PIGK: variants seen among roughly 807,000 people sequenced by gnomAD.
PIGK encodes GPI-anchor transamidase.
A neutral mutation model predicts 50.6 loss-of-function variants in PIGK; 42 were observed. The observed-to-expected ratio is 0.83, with a 90% confidence interval of 0.65 to 1.07. The LOEUF (loss-of-function observed/expected upper bound fraction) is 1.07. Among genes scored for constraint, PIGK ranks in the 50% least tolerant of loss-of-function variants. PIGK has a pLI of 0.00. For synonymous variants in PIGK, 151 were observed against 156.0 expected (o/e 0.97, Z 0.24); for missense variants, 448 against 488.7 (o/e 0.92, Z 0.78).
At chr1:77,195,443 T>C (rs750150181) in intron 3 of PIGK, 17 of 967,632 alleles carry the variant, frequency 1.8e-5, no homozygotes, top group Non-Finnish European at 2.4e-5. Flanking sequence ...AGGAATCTTT[T>C]GGTCAATAAA....
At chr1:77,179,704 A>C (rs1424981607) in intron 3 of PIGK, among the ~76,000 whole-genome samples, 1 of 152,154 alleles carries the variant, frequency 6.6e-6, no homozygotes, top group African/African-American at 2.4e-5. Flanking sequence ...TTGCTCAATT[A>C]AACTCCTTTA....
intron 10 of PIGK, among the ~76,000 whole-genome samples, chr1:77,105,531 TC>T (rs1653650401): frequency 6.6e-6 from 1 of 151,408 alleles, no homozygotes. Context: ...AACTACCAGA[TC>T]CCTAAAGCTC....
intron 10 of PIGK, among the ~76,000 whole-genome samples, chr1:77,121,371 T>G (rs1184517296): frequency 6.6e-6 from 1 of 152,206 alleles, no homozygotes; most frequent in African/African-American, 2.4e-5. Context: ...CTCACAGAAT[T>G]GCAATATTAA....
At chr1:77,105,629 ACAGT>A (rs750936927) in intron 10 of PIGK, among the ~76,000 whole-genome samples, 28 of 152,164 alleles carry the variant, frequency 1.8e-4, no homozygotes, top group Non-Finnish European at 2.5e-4. Context: ...ATCTTTAAAA[ACAGT>A]CAGAGAAAAA....
chr1:77,138,605 A>G (rs913230665), intron 9 of PIGK, among the ~76,000 whole-genome samples: 15 of 152,222 alleles, frequency 9.9e-5, no homozygotes, highest in Non-Finnish European at 7.3e-5. Flanking sequence ...ACCTACAGAT[A>G]CTGTGAGATA....
At chr1:77,138,926 T>G (rs954935575) in intron 9 of PIGK, among the ~76,000 whole-genome samples, 11 of 152,150 alleles carry the variant, frequency 7.2e-5, no homozygotes, top group African/African-American at 2.2e-4. Context: ...TGATTACATA[T>G]TCCCAGGGAA....
chr1:77,131,440 A>G (rs1381380578), intron 9 of PIGK, among the ~76,000 whole-genome samples: 1 of 152,016 alleles, frequency 6.6e-6, no homozygotes, highest in Admixed American at 6.6e-5. Flanking sequence ...GCAGTAACAA[A>G]TAGATGGGAT....
At chr1:77,166,014 A>C (rs768512679) in intron 5 of PIGK, among the ~76,000 whole-genome samples, 45 of 152,220 alleles carry the variant, frequency 3.0e-4, no homozygotes, top group Non-Finnish European at 5.7e-4. Flanking sequence ...AAGACGTCAT[A>C]AGCAAATGCA....
At chr1:77,108,668 A>G (rs1238649809) in intron 10 of PIGK, among the ~76,000 whole-genome samples, 1 of 152,134 alleles carries the variant, frequency 6.6e-6, no homozygotes. Flanking sequence ...TTCTCCTGGA[A>G]AATATCCTGC....
At chr1:77,093,900 T>TA (rs957211335) in intron 10 of PIGK, among the ~76,000 whole-genome samples, 1 of 152,192 alleles carries the variant, frequency 6.6e-6, no homozygotes, top group Admixed American at 6.5e-5. Flanking sequence ...TCTTGGAAGT[T>TA]ACAGTGCTTT....
intron 10 of PIGK, among the ~76,000 whole-genome samples, chr1:77,113,236 T>C (rs1653893323): frequency 6.6e-6 from 1 of 152,098 alleles, no homozygotes; most frequent in Non-Finnish European, 1.5e-5. Context: ...TCTGAAAGCC[T>C]CTTTCTTAGT....
chr1:77,217,496 T>C (rs1001987159), intron 1 of PIGK, among the ~76,000 whole-genome samples: 2 of 151,994 alleles, frequency 1.3e-5, no homozygotes, highest in African/African-American at 4.8e-5. Flanking sequence ...ATATGCAGGG[T>C]TTTTGTTTGT....
At position 77,185,474 on chromosome 1, in the gene PIGK, G is replaced by T. The variant is rs564559483; in HGVS notation, c.240-16079C>A. Among the ~76,000 whole-genome samples the T allele has an allele frequency of 7.9e-5, 12 of 152,256 alleles. No homozygotes were observed. The South Asian group carries it at 2.5e-3, about 32-fold the overall frequency. On this transcript the variant is annotated intron_variant, in intron 3 of 10. Coordinates refer to ENST00000370812, the MANE Select transcript of PIGK (RefSeq NM_005482.3). Reference sequence around the variant, plus strand: ...TCAGTAAAATTTCTAGGGATCCAGTGGTGTGGGGCCTGTCAAAATATTTCG... The same window carrying T: ...TCAGTAAAATTTCTAGGGATCCAGTTGTGTGGGGCCTGTCAAAATATTTCG...
intron 9 of PIGK, among the ~76,000 whole-genome samples, chr1:77,151,164 A>T (rs1387610243): frequency 6.6e-6 from 1 of 152,172 alleles, no homozygotes; most frequent in Admixed American, 6.6e-5. Flanking sequence ...ATCAAGTGGG[A>T]TTCATCCCAG....
chr1:77,128,214 G>A (rs1447460919), intron 9 of PIGK, among the ~76,000 whole-genome samples: 1 of 152,124 alleles, frequency 6.6e-6, no homozygotes, highest in Non-Finnish European at 1.5e-5. Flanking sequence ...GAGAAGATAT[G>A]AAAATAGAAC....
chr1:77,216,916 T>C (rs1247318448), intron 1 of PIGK, among the ~76,000 whole-genome samples: 1 of 152,150 alleles, frequency 6.6e-6, no homozygotes, highest in Non-Finnish European at 1.5e-5. Flanking sequence ...TGTGGTTGTC[T>C]AGACAATACA....
chr1:77,123,766 T>C (rs1457386300), intron 9 of PIGK, among the ~76,000 whole-genome samples: 4 of 152,014 alleles, frequency 2.6e-5, no homozygotes, highest in Non-Finnish European at 5.9e-5. Flanking sequence ...AAGTGTATAC[T>C]GAAAAATGAT....
rs894687387 is a variant in PIGK, at chr1:77,125,952, A to G, written c.987-3593T>C. ...CTTTTATTGAACTTTTGGAATATCTATCTTCCCTTGTCTACCTTGTGATTT... is the reference window on the plus strand; with the variant it reads ...CTTTTATTGAACTTTTGGAATATCTGTCTTCCCTTGTCTACCTTGTGATTT... On this transcript the variant is annotated intron_variant, in intron 9 of 10. Transcript: ENST00000370812. Among the ~76,000 whole-genome samples, 6 of 152,120 alleles carry G rather than the reference A, an allele frequency of 3.9e-5. No individual in the cohort carries two copies. In the East Asian group the frequency reaches 7.7e-4, roughly 20 times the overall value.
At position 77,092,310 on chromosome 1, in the gene PIGK, T is replaced by C; in HGVS notation, c.*64A>G. On this transcript the variant is annotated 3_prime_UTR_variant, in exon 11 of 11. Transcript: ENST00000370812. ...CAAGAGAAACACATTTTTAAAAATATATAATGACATAAATTATTATCCAAG... is the reference window on the plus strand; with the variant it reads ...CAAGAGAAACACATTTTTAAAAATACATAATGACATAAATTATTATCCAAG... 1 of 710,492 alleles carries C rather than the reference T, an allele frequency of 1.4e-6. No homozygotes were observed. The highest frequency in any genetic ancestry group is 2.4e-6 in the Non-Finnish European group (1 of 416,986). 44.0% of individuals were successfully genotyped at this position (710,492 alleles called of 1,614,324 possible). A position where few individuals can be genotyped will look rare whatever the true frequency, so the allele number is the denominator to read the frequency against.
Sources: gnomAD v4.1 joint callset for allele counts (sites outside exome capture counted in the v4.1 genomes callset) on GRCh38, gnomAD v4.1.1 for gene constraint, MANE v1.5 for transcripts, NCBI Gene and HGNC (gene_info 2026-07-23, HGNC 2026-07-21) for gene names.